The following TUSC3 variants were observed in gnomAD, a reference collection of about 807,000 sequenced individuals.
TUSC3 encodes the protein tumor suppressor candidate 3.
In TUSC3, 45 loss-of-function variants were observed where a neutral mutation model predicts 44.8. The observed-to-expected ratio is 1.00, with a 90% confidence interval of 0.79 to 1.29. The LOEUF (loss-of-function observed/expected upper bound fraction) is 1.29. Among genes scored for constraint, TUSC3 ranks in the 50% most tolerant of loss-of-function variants. The pLI is 0.00. For missense variants in TUSC3, 519 were observed against 437.9 expected, an observed-to-expected ratio of 1.19 and a Z score of -1.65; for synonymous variants, 212 against 152.9, an observed-to-expected ratio of 1.39 and a Z score of -2.85.
intron 1 of TUSC3, among the ~76,000 whole-genome samples, chr8:15,547,033 T>A (rs1801894483): frequency 1.3e-5 from 2 of 151,684 alleles, no homozygotes; most frequent in South Asian, 4.2e-4. Context: ...AGAAAAAAGT[T>A]AAAAATATAG....
intron 1 of TUSC3, among the ~76,000 whole-genome samples, chr8:15,453,482 T>A (rs563073914): frequency 1.3e-5 from 2 of 152,276 alleles, no homozygotes; most frequent in South Asian, 2.1e-4. Context: ...GGCTTTTGAG[T>A]CTTGTCAACT....
Position 15,468,776 on chromosome 8 carries a change from A to G in TUSC3, n.92-14610A>G, listed in dbSNP as rs550065951. On this transcript the variant is annotated intron_variant and non_coding_transcript_variant, in intron 1 of 5. Transcript: ENST00000503191. ...ATATTAGAAGTGATGCTTTCAGGAG[A>G]TTCAAGGGATTCCTCTCTGTCTTGA... 2.0e-5 allele frequency among the ~76,000 whole-genome samples: 3 copies of G among 152,180 alleles called. No homozygotes were observed. In the South Asian group the frequency reaches 6.2e-4, roughly 32 times the overall value.
intron 1 of TUSC3, among the ~76,000 whole-genome samples, chr8:15,438,012 G>T (rs944417550): frequency 6.6e-6 from 1 of 152,194 alleles, no homozygotes; most frequent in African/African-American, 2.4e-5. Flanking sequence ...CTTCTTACCA[G>T]CAGGTTGTTA....
rs78328090 is a variant in TUSC3, at chr8:15,487,505, A to G, written n.189+4022A>G. ...TGAACAAAGCACAATTAATTTATCCATTTGTATTATTATAAGGGCTAGTTT... is the reference window on the plus strand; with the variant it reads ...TGAACAAAGCACAATTAATTTATCCGTTTGTATTATTATAAGGGCTAGTTT... On this transcript the variant is annotated intron_variant and non_coding_transcript_variant, in intron 2 of 5. Transcript: ENST00000503191. Among the ~76,000 whole-genome samples, 616 of 152,288 alleles carry G rather than the reference A, an allele frequency of 4.0e-3. 5 individuals carry two copies. Among genetic ancestry groups the G allele is most frequent in the African/African-American group, 0.014 (591 of 41,574 alleles).
At chr8:15,683,937 G>C (rs1420521897) in intron 6 of TUSC3, among the ~76,000 whole-genome samples, 1 of 152,110 alleles carries the variant, frequency 6.6e-6, no homozygotes, top group East Asian at 1.9e-4. Context: ...ATAGGTTCCT[G>C]TGGTGGGTTT....
In TUSC3 at chr8:15,457,850, TAATAATTATC is replaced by T. The variant is rs1800279745; in HGVS notation, n.92-25535_92-25526del. ...TTATTAATAAATTAGATTAATTATC[TAATAATTATC>T]TAATAAATTAATTAGATAATTACTA... On this transcript the variant is annotated intron_variant and non_coding_transcript_variant, in intron 1 of 5. Transcript: ENST00000503191. Among the ~76,000 whole-genome samples the T allele has an allele frequency of 2.6e-4, 10 of 37,990 alleles. No homozygotes were observed. In the Admixed American group the frequency reaches 2.8e-3, roughly 11 times the overall value. The allele number at this position is 37,990 out of a possible 152,430, so 24.9% of individuals were successfully genotyped here.
chr8:15,779,996 A>G, the TUSC3 span, among the ~76,000 whole-genome samples: 2 of 152,216 alleles, frequency 1.3e-5, no homozygotes, highest in African/African-American at 4.8e-5. Flanking sequence ...AAAGTGAAAC[A>G]TAATTTGAAT....
At chr8:15,601,366 T>C (rs1186308896) in intron 1 of TUSC3, among the ~76,000 whole-genome samples, 1 of 151,688 alleles carries the variant, frequency 6.6e-6, no homozygotes, top group Non-Finnish European at 1.5e-5. Context: ...CCCAAGTGTC[T>C]AAAGCAACGG....
intron 1 of TUSC3, among the ~76,000 whole-genome samples, chr8:15,442,696 T>A (rs1268677474): frequency 6.6e-6 from 1 of 152,156 alleles, no homozygotes; most frequent in Non-Finnish European, 1.5e-5. Flanking sequence ...GATTCTGTCA[T>A]CAGGATAGGA....
intron 1 of TUSC3, among the ~76,000 whole-genome samples, chr8:15,433,545 C>T (rs1240527544): frequency 6.6e-6 from 1 of 152,000 alleles, no homozygotes; most frequent in East Asian, 1.9e-4. Context: ...CACTCCCCCA[C>T]CCATATAACA....
intron 2 of TUSC3, among the ~76,000 whole-genome samples, chr8:15,511,520 T>C (rs2129128223): frequency 6.6e-6 from 1 of 152,260 alleles, no homozygotes; most frequent in African/African-American, 2.4e-5. Context: ...TTAAACACAA[T>C]ACCACCAATT....
At chr8:15,422,508 T>C (rs1799749654) in intron 1 of TUSC3, among the ~76,000 whole-genome samples, 1 of 152,198 alleles carries the variant, frequency 6.6e-6, no homozygotes, top group Non-Finnish European at 1.5e-5. Flanking sequence ...AGCTCTAGTG[T>C]ACAATAAGGT....
the TUSC3 span, among the ~76,000 whole-genome samples, chr8:15,825,630 C>T: frequency 6.6e-6 from 1 of 152,096 alleles, no homozygotes; most frequent in Non-Finnish European, 1.5e-5. Flanking sequence ...AGACACTGCT[C>T]TTATTCTTAA....
intron 2 of TUSC3, among the ~76,000 whole-genome samples, chr8:15,530,137 G>C (rs780972207): frequency 9.2e-5 from 14 of 151,864 alleles, no homozygotes; most frequent in Admixed American, 2.0e-4. Flanking sequence ...CTGGAATATG[G>C]GGCTGAAGTC....
At position 15,445,946 on chromosome 8, in the gene TUSC3, G is replaced by A. The variant is rs891800098; in HGVS notation, n.91+28641G>A. ...TTCCGGACGGGGCGGCTGGCCGGAC[G>A]GGGGCTGCCCCCCACCTCGCGGATG... On this transcript the variant is annotated intron_variant and non_coding_transcript_variant, in intron 1 of 5. Transcript: ENST00000503191. Among the ~76,000 whole-genome samples the A allele has an allele frequency of 4.7e-5, 7 of 149,642 alleles. No homozygotes were observed. The East Asian group carries it at 6.1e-4, about 13-fold the overall frequency.
chr8:15,805,017 G>C, the TUSC3 span, among the ~76,000 whole-genome samples: 431 of 152,098 alleles, frequency 2.8e-3, 11 homozygotes, highest in East Asian at 0.075. Context: ...ACAGTGTTTT[G>C]TAGTTGTTCT....
chr8:15,544,875 T>C lies in TUSC3; in HGVS notation c.138+4307T>C, dbSNP rs552540013. Among the ~76,000 whole-genome samples, 3 of 151,946 alleles carry C rather than the reference T, an allele frequency of 2.0e-5. 1 individual carries two copies. In the South Asian group the frequency reaches 6.3e-4, roughly 32 times the overall value. The stretch of plus-strand genomic sequence containing the variant: ...GTATGACCACCCCTTGAAGCGTGAT[T>C]GGAAATAGCCAAAGCTGCTTGTCAG... On this transcript the variant is annotated intron_variant, in intron 1 of 10. Coordinates refer to ENST00000503731, the MANE Select transcript of TUSC3 (RefSeq NM_006765.4).
intron 2 of TUSC3, among the ~76,000 whole-genome samples, chr8:15,496,694 A>G (rs138359650): frequency 7.1e-4 from 108 of 152,260 alleles, no homozygotes; most frequent in African/African-American, 2.4e-3. Flanking sequence ...CTTGGATGGA[A>G]GAAGCATCTA....
At chr8:15,798,556 T>C in the TUSC3 span, among the ~76,000 whole-genome samples, 1 of 152,068 alleles carries the variant, frequency 6.6e-6, no homozygotes. Context: ...CGACTTCACA[T>C]TTACCTTCAG....
Sources: gnomAD v4.1 joint callset for allele counts (sites outside exome capture counted in the v4.1 genomes callset) on GRCh38, gnomAD v4.1.1 for gene constraint, MANE v1.5 for transcripts, NCBI Gene and HGNC (gene_info 2026-07-23, HGNC 2026-07-21) for gene names.